Variants in NEGR1 observed in about 807,000 individuals in gnomAD.
The protein encoded by NEGR1 is IgLON family member 4.
Under a neutral mutation model 40.9 loss-of-function variants are expected in NEGR1, and 10 were observed. That is an observed-to-expected ratio of 0.24 (90% CI 0.15 to 0.42). The LOEUF is 0.42. Ranked by LOEUF, NEGR1 falls within the 10% of genes least tolerant of loss-of-function variation. NEGR1 has a pLI of 1.00. For missense variants in NEGR1, 352 were observed against 438.9 expected (o/e 0.80, Z 1.77); for synonymous variants, 185 against 166.8 (o/e 1.11, Z -0.84).
At chr1:71,988,032 C>G (rs1646413854) in intron 1 of NEGR1, among the ~76,000 whole-genome samples, 1 of 152,244 alleles carries the variant, frequency 6.6e-6, no homozygotes, top group South Asian at 2.1e-4. Context: ...AGACCCCTCA[C>G]AGGCCATAGA....
chr1:71,435,298 A>C (rs1252413346), intron 6 of NEGR1, among the ~76,000 whole-genome samples: 2 of 152,170 alleles, frequency 1.3e-5, no homozygotes, highest in Non-Finnish European at 2.9e-5. Flanking sequence ...ATTACGTGAC[A>C]ATTGGCAAAA....
At chr1:71,985,232 T>C (rs1157956087) in intron 1 of NEGR1, among the ~76,000 whole-genome samples, 2 of 152,214 alleles carry the variant, frequency 1.3e-5, no homozygotes, top group Non-Finnish European at 2.9e-5. Context: ...GCCGGAAGTA[T>C]AGCAATGTGT....
intron 2 of NEGR1, among the ~76,000 whole-genome samples, chr1:71,928,792 A>G (rs1000382730): frequency 6.6e-6 from 1 of 152,004 alleles, no homozygotes. Context: ...ATTTGTAGGG[A>G]CTAATACAGT....
At chr1:72,041,324 G>A (rs996315594) in intron 1 of NEGR1, among the ~76,000 whole-genome samples, 1 of 151,426 alleles carries the variant, frequency 6.6e-6, no homozygotes, top group Non-Finnish European at 1.5e-5. Flanking sequence ...TTTAATGCTC[G>A]GTTAATATAT....
chr1:71,849,051 G>A (rs1000834117), intron 2 of NEGR1, among the ~76,000 whole-genome samples: 5 of 151,646 alleles, frequency 3.3e-5, no homozygotes, highest in African/African-American at 9.7e-5. Flanking sequence ...ATTGTGCCAC[G>A]GCACTCCAGT....
intron 5 of NEGR1, among the ~76,000 whole-genome samples, chr1:71,596,948 T>C (rs1247053474): frequency 2.0e-5 from 3 of 152,322 alleles, no homozygotes; most frequent in Middle Eastern, 3.4e-3. Flanking sequence ...AACATGATAA[T>C]GATATATCAT....
chr1:71,758,548 C>A (rs922546694), intron 3 of NEGR1, among the ~76,000 whole-genome samples: 1 of 152,006 alleles, frequency 6.6e-6, no homozygotes, highest in Admixed American at 6.6e-5. Flanking sequence ...TAATTTTCTA[C>A]TAGTGATGAT....
intron 2 of NEGR1, among the ~76,000 whole-genome samples, chr1:71,894,840 T>A (rs2101855088): frequency 6.6e-6 from 1 of 152,138 alleles, no homozygotes; most frequent in South Asian, 2.1e-4. Flanking sequence ...CCCAGGAGTT[T>A]GAGGATATAG....
At chr1:71,941,397 G>A (rs1319012079) in intron 1 of NEGR1, among the ~76,000 whole-genome samples, 1 of 152,032 alleles carries the variant, frequency 6.6e-6, no homozygotes, top group Admixed American at 6.6e-5. Flanking sequence ...TAGATAATAT[G>A]TATGTATGTA....
intron 4 of NEGR1, among the ~76,000 whole-genome samples, chr1:71,662,809 TA>T (rs1359164979): frequency 2.0e-5 from 3 of 151,886 alleles, no homozygotes; most frequent in Non-Finnish European, 4.4e-5. Context: ...TAACTAAAAC[TA>T]GTTCAGTTTT....
At chr1:71,802,396 C>T (rs915987847) in intron 2 of NEGR1, among the ~76,000 whole-genome samples, 3 of 152,132 alleles carry the variant, frequency 2.0e-5, no homozygotes, top group African/African-American at 7.2e-5. Context: ...TAGAGCTATT[C>T]ATATGTGATC....
At chr1:72,127,566 G>A (rs1256377857) in intron 1 of NEGR1, among the ~76,000 whole-genome samples, 2 of 149,022 alleles carry the variant, frequency 1.3e-5, no homozygotes, top group Non-Finnish European at 3.0e-5. Flanking sequence ...ATAATGACAT[G>A]CTAAAAATTA....
intron 1 of NEGR1, among the ~76,000 whole-genome samples, chr1:72,155,424 T>C (rs1651321513): frequency 6.6e-6 from 1 of 152,028 alleles, no homozygotes; most frequent in Non-Finnish European, 1.5e-5. Context: ...CAGATTTCAA[T>C]TTTGAAATAA....
chr1:71,580,071 T>C (rs1649086072), intron 6 of NEGR1, among the ~76,000 whole-genome samples: 2 of 151,984 alleles, frequency 1.3e-5, no homozygotes, highest in African/African-American at 4.8e-5. Flanking sequence ...TATCCAACAA[T>C]GATAGACTGG....
At chr1:71,748,478 G>A (rs60949608) in intron 3 of NEGR1, among the ~76,000 whole-genome samples, 2,652 of 152,106 alleles carry the variant, frequency 0.017, 67 homozygotes, top group African/African-American at 0.06. Context: ...TTAAACAAAC[G>A]TCAGTTTCCA....
chr1:71,558,875 C>T (rs1648345034), intron 6 of NEGR1, among the ~76,000 whole-genome samples: 1 of 150,682 alleles, frequency 6.6e-6, no homozygotes, highest in Non-Finnish European at 1.5e-5. Flanking sequence ...AGACCAAGTT[C>T]TGGGAACTAG....
chr1:71,576,836 A>G (rs1648980637), intron 6 of NEGR1, among the ~76,000 whole-genome samples: 1 of 152,170 alleles, frequency 6.6e-6, no homozygotes, highest in Non-Finnish European at 1.5e-5. Context: ...AGTCTGAAGT[A>G]TAGATTTGAT....
At chr1:71,772,140 TA>T (rs1656351356) in intron 3 of NEGR1, among the ~76,000 whole-genome samples, 1 of 152,032 alleles carries the variant, frequency 6.6e-6, no homozygotes, top group Non-Finnish European at 1.5e-5. Context: ...CTTACTTCCA[TA>T]AGGACATAAC....
intron 6 of NEGR1, among the ~76,000 whole-genome samples, chr1:71,437,886 G>A (rs572948690): frequency 2.2e-5 from 3 of 137,812 alleles, no homozygotes; most frequent in South Asian, 2.5e-4. Context: ...TTTTCAAGTC[G>A]AAGGAGAGCT....
Sources: allele counts gnomAD v4.1 joint callset (sites outside exome capture counted in the v4.1 genomes callset), GRCh38; gene constraint gnomAD v4.1.1; transcripts MANE v1.5; gene names NCBI Gene and HGNC (gene_info 2026-07-23, HGNC 2026-07-21).